The following UROC1 variants were observed in gnomAD, a reference collection of about 807,000 sequenced individuals.
UROC1 encodes the protein urocanate hydratase.
A neutral mutation model predicts 89.5 loss-of-function variants in UROC1; 79 were observed. The ratio of observed to expected loss-of-function variants is 0.88; its 90% CI spans 0.74 to 1.06. The LOEUF (loss-of-function observed/expected upper bound fraction) is 1.06, where lower values mean the gene tolerates loss of function less well. Among genes scored for constraint, UROC1 ranks in the 50% least tolerant of loss-of-function variants. UROC1 has a pLI of 0.00. For missense variants in UROC1, 885 were observed against 907.8 expected, an observed-to-expected ratio of 0.97 and a Z score of 0.32; for synonymous variants, 361 against 354.8, an observed-to-expected ratio of 1.02 and a Z score of -0.20.
At chr3:126,500,658 G>C (rs755066687) in intron 11 of UROC1, 37 bp downstream of exon 11, 1 of 1,613,636 alleles carries the variant, frequency 6.2e-7, no homozygotes, top group South Asian at 1.1e-5. Flanking sequence ...GTCTGCCCAG[G>C]CCAAATGCTT....
Position 126,483,427 on chromosome 3 carries a change from C to A in UROC1, c.1832G>T (p.Gly611Val). The A allele has an allele frequency of 1.2e-6, 2 of 1,613,844 alleles. No homozygotes were observed. The highest frequency in any genetic ancestry group is 1.7e-6 in the Non-Finnish European group (2 of 1,180,052). The change falls in exon 19 of 20, where the codon GGT becomes GTT. Residue 611 changes from glycine (G) to valine (V), a missense_variant. Physicochemically the swap from Gly to Val is moderately radical, Grantham distance 109. Coordinates refer to ENST00000290868, the MANE Select transcript of UROC1 (RefSeq NM_144639.3). The part of the protein sequence containing the change: ...INGGFGLVLD[G>V]TPEAEGRARL... ...GGCTCTCCCCTCGGCCTCCGGGGTA[C>A]CGTCCAGCACGAGGCCGAATCCCCC...
At chr3:126,516,734 G>T (rs1201453749) in intron 1 of UROC1, among the ~76,000 whole-genome samples, 7 of 72,150 alleles carry the variant, frequency 9.7e-5, no homozygotes, top group African/African-American at 4.1e-4. Context: ...CTTCCCCAGC[G>T]CCAGCTCTGC....
chr3:126,510,725 G>A lies in UROC1; in HGVS notation c.196C>T (p.Gln66Ter), dbSNP rs756019777. The A allele has an allele frequency of 1.7e-5, 28 of 1,614,176 alleles. No individual in the cohort carries two copies. Among genetic ancestry groups the A allele is most frequent in the Non-Finnish European group, 2.4e-5 (28 of 1,180,048 alleles). The change falls in exon 2 of 20, where the codon CAG becomes TAG. Residue 66 changes from glutamine to a stop codon, truncating the protein, a stop_gained. Coordinates refer to ENST00000290868, the MANE Select transcript of UROC1 (RefSeq NM_144639.3). LOFTEE classifies it high-confidence loss of function. ...ATGTGTCCGTACAGTTGCAGCTCCT[G>A]GGCAAACTCTGGGGCCAGCAGCTCC... ...VQELLAPEFA[Q>*]ELQLYGHIYM...
In UROC1 at chr3:126,499,364, T is replaced by C. The variant is rs1284839633; in HGVS notation, c.1289A>G (p.Tyr430Cys). ...KKGAGRTEFRYPSYVQHIMGD... is the reference protein window; with the variant it reads ...KKGAGRTEFRCPSYVQHIMGD... Reference sequence around the variant, plus strand: ...CATGATGTGCTGCACATAGGAAGGGTAGCGGAACTCTGTCCTGCCAGCACC... The same window carrying C: ...CATGATGTGCTGCACATAGGAAGGGCAGCGGAACTCTGTCCTGCCAGCACC... Residue 430 changes from tyrosine to cysteine, a missense_variant, in exon 13 of 20, where the codon TAC (tyrosine) becomes TGC (cysteine). Tyr to Cys is a radical substitution (Grantham distance 194). Transcript: ENST00000290868. 1 of 1,611,058 alleles carries C rather than the reference T, an allele frequency of 6.2e-7. No homozygotes were observed. The highest frequency in any genetic ancestry group is 8.5e-7 in the Non-Finnish European group (1 of 1,179,440).
chr3:126,483,511 A>G lies in UROC1; in HGVS notation c.1791-43T>C, dbSNP rs952342089. ...GTTTCCAGTTCATTCCTGGGGCCCA[A>G]CACTGCACAGAGCAGGCAGAAGCCC... On this transcript the variant is annotated intron_variant, in intron 18 of 19. Transcript: ENST00000290868. The G allele has an allele frequency of 3.8e-6, 6 of 1,565,788 alleles. No homozygotes were observed. In the African/African-American group the frequency reaches 8.1e-5, roughly 21 times the overall value.
chr3:126,511,124 T>C (rs1092239), intron 1 of UROC1, among the ~76,000 whole-genome samples: 135,157 of 152,136 alleles, frequency 0.89, 60,434 homozygotes, highest in East Asian at 0.95. Context: ...CTTGTGGCTA[T>C]GGTGTAGAAT....
chr3:126,506,690 G>A (rs1010846907), intron 6 of UROC1, among the ~76,000 whole-genome samples: 2 of 152,236 alleles, frequency 1.3e-5, no homozygotes, highest in African/African-American at 4.8e-5. Flanking sequence ...CATAGAAAGT[G>A]TTTGGAAGAA....
At chr3:126,501,008 T>G in intron 10 of UROC1, 134 bp from the exon 11 acceptor site, 2 of 1,378,436 alleles carry the variant, frequency 1.5e-6, no homozygotes, top group Non-Finnish European at 2.0e-6. Flanking sequence ...AGACCCTGCT[T>G]TCCCCCTGGA....
At position 126,485,233 on chromosome 3, in the gene UROC1, G is replaced by A. The variant is rs572048372; in HGVS notation, c.1791-1765C>T. ...TTGCACATGTTAACACTCTACAAGC[G>A]TTCGCTATCATCAGCTCATTTCCTC... On this transcript the variant is annotated intron_variant, in intron 18 of 19. Transcript: ENST00000290868. Among the ~76,000 whole-genome samples, 20 of 152,324 alleles carry A rather than the reference G, an allele frequency of 1.3e-4. 1 individual carries two copies. The East Asian group carries it at 2.1e-3, about 16-fold the overall frequency.
At chr3:126,501,558 C>T (rs913938358) in intron 9 of UROC1, among the ~76,000 whole-genome samples, 4 of 152,256 alleles carry the variant, frequency 2.6e-5, no homozygotes, top group South Asian at 2.1e-4. Flanking sequence ...CCATGGAATT[C>T]GGGTTATTGA....
chr3:126,517,302 C>G (rs549533219), intron 1 of UROC1, among the ~76,000 whole-genome samples: 14 of 152,296 alleles, frequency 9.2e-5, no homozygotes, highest in African/African-American at 3.4e-4. Context: ...TCACACCCAC[C>G]CAAGGCCTCC....
chr3:126,513,235 A>G (rs1418685466), intron 1 of UROC1, among the ~76,000 whole-genome samples: 1 of 151,728 alleles, frequency 6.6e-6, no homozygotes, highest in African/African-American at 2.4e-5. Context: ...TCACTTTTAA[A>G]CCTCACCCAT....
intron 18 of UROC1, 133 bp downstream of exon 18, chr3:126,488,065 A>T: frequency 2.0e-6 from 2 of 994,096 alleles, no homozygotes; most frequent in Non-Finnish European, 3.2e-6. Flanking sequence ...CACATTTTCC[A>T]CAAAGGTGAG....
At chr3:126,513,133 A>AGG (rs1287168905) in intron 1 of UROC1, among the ~76,000 whole-genome samples, 3 of 122,854 alleles carry the variant, frequency 2.4e-5, no homozygotes, top group Admixed American at 8.3e-5. Context: ...CCCACAGAGC[A>AGG]GGGTGTGTGT....
At chr3:126,501,308 G>T (rs778978703) in intron 9 of UROC1, 28 bp from the exon 10 acceptor site, 1 of 1,613,464 alleles carries the variant, frequency 6.2e-7, no homozygotes, top group East Asian at 2.2e-5. Context: ...CAGAACAGGT[G>T]CCCCCTGCAC....
intron 14 of UROC1, among the ~76,000 whole-genome samples, chr3:126,497,348 A>G (rs1212925792): frequency 6.6e-6 from 1 of 152,224 alleles, no homozygotes. Context: ...CCATGAAACA[A>G]CAACGTCAGA....
At chr3:126,498,465 C>A (rs55692624) in intron 13 of UROC1, among the ~76,000 whole-genome samples, 2 of 152,056 alleles carry the variant, frequency 1.3e-5, no homozygotes, top group Non-Finnish European at 2.9e-5. Flanking sequence ...CAAGAAAATC[C>A]ATCACCTAAA....
chr3:126,499,284 C>T (rs560091085), intron 13 of UROC1, 53 bp downstream of exon 13: 27 of 1,588,772 alleles, frequency 1.7e-5, no homozygotes, highest in South Asian at 1.0e-4. Flanking sequence ...AGACCCTGAA[C>T]GGGGCAGGGG....
chr3:126,496,538 T>TGAGGGAACAGCCTTCCAGGCA (rs1477716213), intron 14 of UROC1, among the ~76,000 whole-genome samples: 1 of 152,084 alleles, frequency 6.6e-6, no homozygotes, highest in African/African-American at 2.4e-5. Context: ...AAGGAAGCTC[T>TGAGGGAACAGCCTTCCAGGCA]GAGGGAACAG....
Sources: allele counts gnomAD v4.1 joint callset (sites outside exome capture counted in the v4.1 genomes callset), GRCh38; gene constraint gnomAD v4.1.1; transcripts MANE v1.5; gene names NCBI Gene and HGNC (gene_info 2026-07-23, HGNC 2026-07-21).